CGNL1: variants seen among roughly 807,000 people sequenced by gnomAD.
CGNL1 encodes cingulin like 1, also known as cingulin-like protein 1.
CGNL1 carries 132 observed loss-of-function variants against 141.2 expected under a neutral mutation model. The ratio of observed to expected loss-of-function variants is 0.93; its 90% confidence interval spans 0.81 to 1.08. The LOEUF is 1.08. Among genes scored for constraint, CGNL1 ranks in the 50% least tolerant of loss-of-function variants. The pLI is 0.00. For missense variants in CGNL1, 1,870 were observed against 1,588.6 expected (o/e 1.18, Z -3.01); for synonymous variants, 690 against 622.1 (o/e 1.11, Z -1.63).
intron 10 of CGNL1, among the ~76,000 whole-genome samples, chr15:57,521,845 G>C (rs963835235): frequency 6.6e-6 from 1 of 152,138 alleles, no homozygotes; most frequent in Non-Finnish European, 1.5e-5. Flanking sequence ...AGAAAGGCTG[G>C]GGGATTCCTT....
intron 14 of CGNL1, among the ~76,000 whole-genome samples, chr15:57,533,040 AG>A (rs2032040901): frequency 6.6e-6 from 1 of 152,240 alleles, no homozygotes; most frequent in Admixed American, 6.5e-5. Flanking sequence ...ATGAGCAGGC[AG>A]CCCTGCTCAA....
At chr15:57,512,393 G>A (rs989640873) in intron 8 of CGNL1, among the ~76,000 whole-genome samples, 4 of 152,128 alleles carry the variant, frequency 2.6e-5, no homozygotes, top group South Asian at 4.1e-4. Flanking sequence ...GTGGGGGTGT[G>A]GGGGCATGAA....
chr15:57,394,528 G>A (rs2152237468), intron 1 of CGNL1, among the ~76,000 whole-genome samples: 1 of 152,298 alleles, frequency 6.6e-6, no homozygotes, highest in African/African-American at 2.4e-5. Context: ...GTAAATGGTG[G>A]GGGTAGGTTC....
In CGNL1 at chr15:57,391,254, G is replaced by A. The variant is rs185656106; in HGVS notation, c.-16+14687G>A. ...TATATTCTGGCCCTGTGATGACAGA[G>A]TCTGCTTTGGAAGAAGCCATGTGAG... is the stretch of plus-strand genomic sequence containing the variant. On this transcript the variant is annotated intron_variant, in intron 1 of 18. Coordinates refer to ENST00000281282, the MANE Select transcript of CGNL1 (RefSeq NM_032866.5). Among the ~76,000 whole-genome samples, 614 of 152,338 alleles carry A rather than the reference G, an allele frequency of 4.0e-3. 2 individuals carry two copies. The highest frequency in any genetic ancestry group is 0.014 in the African/African-American group (587 of 41,580).
intron 4 of CGNL1, among the ~76,000 whole-genome samples, chr15:57,447,213 A>C (rs1179497994): frequency 1.3e-5 from 2 of 152,146 alleles, no homozygotes; most frequent in Admixed American, 6.5e-5. Context: ...TTTGTTAGAG[A>C]GGTCTCGCAC....
chr15:57,420,884 G>A (rs906361707), intron 1 of CGNL1, among the ~76,000 whole-genome samples: 1 of 152,202 alleles, frequency 6.6e-6, no homozygotes, highest in Non-Finnish European at 1.5e-5. Context: ...CATGCTGCTG[G>A]ATGATGATAT....
intron 13 of CGNL1, among the ~76,000 whole-genome samples, chr15:57,530,236 C>A (rs550382726): frequency 5.9e-5 from 9 of 152,358 alleles, no homozygotes; most frequent in Admixed American, 2.0e-4. Context: ...GTCATTTCCA[C>A]TGCTATATCC....
chr15:57,533,714 T>C lies in CGNL1; in HGVS notation c.3291+1935T>C, dbSNP rs911859683. 3.3e-5 allele frequency among the ~76,000 whole-genome samples: 5 copies of C among 152,256 alleles called. No homozygotes were observed. In the South Asian group the frequency reaches 1.0e-3, roughly 31 times the overall value. Reference sequence around the variant, plus strand: ...TGACAGAACTGATCATGCAGAGATCTGGTCCCAGAATTGCTCTGGACACTT... The same window carrying C: ...TGACAGAACTGATCATGCAGAGATCCGGTCCCAGAATTGCTCTGGACACTT... On this transcript the variant is annotated intron_variant, in intron 14 of 18. Coordinates refer to ENST00000281282, the MANE Select transcript of CGNL1 (RefSeq NM_032866.5).
intron 6 of CGNL1, among the ~76,000 whole-genome samples, chr15:57,453,018 A>T (rs1595719599): frequency 6.6e-6 from 1 of 152,222 alleles, no homozygotes; most frequent in African/African-American, 2.4e-5. Flanking sequence ...TAGTAAGAAA[A>T]AAATCAGAAA....
chr15:57,530,743 G>A (rs566793928), intron 13 of CGNL1, among the ~76,000 whole-genome samples: 53 of 152,262 alleles, frequency 3.5e-4, no homozygotes, highest in Admixed American at 1.6e-3. Context: ...CCTGGGGGCC[G>A]TTCACAGACA....
intron 7 of CGNL1, among the ~76,000 whole-genome samples, chr15:57,456,502 AT>A (rs1254332612): frequency 6.6e-6 from 1 of 151,632 alleles, no homozygotes; most frequent in African/African-American, 2.4e-5. Flanking sequence ...AAAAAAAAAA[AT>A]AAATAAAACA....
chr15:57,517,122 C>G, intron 9 of CGNL1, 136 bp downstream of exon 9: 1 of 813,178 alleles, frequency 1.2e-6, no homozygotes, highest in Non-Finnish European at 1.9e-6. Context: ...AATACATCCT[C>G]TCTGCAAGCC....
rs2063140986 is a variant in CGNL1 at position 57,438,695 on chromosome 15, AG to A, written c.697del (p.Val233CysfsTer3). The A allele has an allele frequency of 6.2e-7, 1 of 1,614,070 alleles. No homozygotes were observed. The highest frequency in any genetic ancestry group is 1.7e-5 in the Admixed American group (1 of 60,008). On this transcript the variant is annotated frameshift_variant, in exon 2 of 19. Transcript: ENST00000281282. LOFTEE classifies it high-confidence loss of function. ...TAGAGGACCCCAAAAAGCAGACCTC[AG>A]TGTGTGTAAACGTTCAGAGCTGCAC... Reference protein sequence around the residue: ...VIEDPKKQTSVCVNVQSCTKE... With the variant: ...VIEDPKKQTSXCVNVQSCTKE...
chr15:57,414,745 ATGAT>A (rs1209521913), intron 1 of CGNL1, among the ~76,000 whole-genome samples: 1 of 152,160 alleles, frequency 6.6e-6, no homozygotes, highest in Non-Finnish European at 1.5e-5. Flanking sequence ...CTACAATCAA[ATGAT>A]TGGTTTCTTA....
At chr15:57,533,219 C>A (rs1259540634) in intron 14 of CGNL1, among the ~76,000 whole-genome samples, 2 of 152,142 alleles carry the variant, frequency 1.3e-5, no homozygotes, top group African/African-American at 4.8e-5. Context: ...GTTCTGTCTG[C>A]GTGTTCCCAG....
intron 8 of CGNL1, among the ~76,000 whole-genome samples, chr15:57,513,358 G>C (rs1297489693): frequency 6.6e-5 from 10 of 151,728 alleles, no homozygotes. Flanking sequence ...GTGTGTGTCA[G>C]TATTTCATTC....
intron 7 of CGNL1, among the ~76,000 whole-genome samples, chr15:57,454,475 A>G (rs969744663): frequency 1.2e-4 from 18 of 151,866 alleles, no homozygotes. Flanking sequence ...CTGTTCTGTC[A>G]CTCCTTTCCT....
Position 57,429,838 on chromosome 15 carries a change from C to G in CGNL1, c.-15-8147C>G, listed in dbSNP as rs1301466124. Among the ~76,000 whole-genome samples the G allele has an allele frequency of 2.6e-5, 4 of 152,306 alleles. No homozygotes were observed. The East Asian group carries it at 7.7e-4, about 29-fold the overall frequency. On this transcript the variant is annotated intron_variant, in intron 1 of 18. Transcript: ENST00000281282. ...CCTCTTATTTTTTGAGACAGGGTCT[C>G]TCAGTCTATCACCCAGGCTGGCATG...
rs999030780 is a variant in CGNL1 at position 57,433,815 on chromosome 15, C to T, written c.-15-4170C>T. The stretch of plus-strand genomic sequence containing the variant: ...TCTGCTCTGTCCATGATGGCAGCAG[C>T]CAGGCGTGTGCAGCCCCAGCAATGA... On this transcript the variant is annotated intron_variant, in intron 1 of 18. Coordinates refer to ENST00000281282, the MANE Select transcript of CGNL1 (RefSeq NM_032866.5). Among the ~76,000 whole-genome samples, 5 of 152,140 alleles carry T rather than the reference C, an allele frequency of 3.3e-5. No homozygotes were observed. In the South Asian group the frequency reaches 8.3e-4, roughly 25 times the overall value.
Sources: gnomAD v4.1 joint callset for allele counts (sites outside exome capture counted in the v4.1 genomes callset) on GRCh38, gnomAD v4.1.1 for gene constraint, MANE v1.5 for transcripts, NCBI Gene and HGNC (gene_info 2026-07-23, HGNC 2026-07-21) for gene names.